Variants in GALNT14 observed in about 807,000 individuals in gnomAD.
The protein encoded by GALNT14 is polypeptide N-acetylgalactosaminyltransferase 14.
Under a neutral mutation model 77.5 loss-of-function variants are expected in GALNT14, and 60 were observed. That is an observed-to-expected ratio of 0.77 (90% CI 0.63 to 0.96). The LOEUF (loss-of-function observed/expected upper bound fraction) is 0.96, where lower values mean the gene tolerates loss of function less well. GALNT14 is among the 40% of genes least tolerant of loss of function. The pLI is 0.00. For synonymous variants in GALNT14, 280 were observed against 281.7 expected, an observed-to-expected ratio of 0.99 and a Z score of 0.06; for missense variants, 710 against 731.0, an observed-to-expected ratio of 0.97 and a Z score of 0.33.
chr2:31,083,861 C>A (rs1052292493), intron 1 of GALNT14, among the ~76,000 whole-genome samples: 1 of 152,178 alleles, frequency 6.6e-6, no homozygotes, highest in African/African-American at 2.4e-5. Context: ...TACTCCCGCT[C>A]ATGCTGCTGC....
rs72856365 is a variant in GALNT14 at position 31,131,941 on chromosome 2, G to T, written c.129+6017C>A. Among the ~76,000 whole-genome samples, 1,125 of 152,286 alleles carry T rather than the reference G, an allele frequency of 7.4e-3. 15 individuals are homozygous for T. The highest frequency in any genetic ancestry group is 0.026 in the African/African-American group (1,076 of 41,552). On this transcript the variant is annotated intron_variant, in intron 1 of 14. Transcript: ENST00000349752. ...TGCCCCTCTGTCTTCTCTGATTTGAGTAGGTATCATTCTGTGCCTCTGGGG... is the reference window on the plus strand; with the variant it reads ...TGCCCCTCTGTCTTCTCTGATTTGATTAGGTATCATTCTGTGCCTCTGGGG...
At chr2:30,908,526 G>T (rs1429688293), downstream of GALNT14, among the ~76,000 whole-genome samples, 1 of 146,028 alleles carries the variant, frequency 6.8e-6, no homozygotes, top group African/African-American at 2.6e-5. Flanking sequence ...TCTTCAAGGA[G>T]AACTACAAAC....
intron 1 of GALNT14, among the ~76,000 whole-genome samples, chr2:31,045,072 G>A (rs1673349957): frequency 6.6e-6 from 1 of 152,156 alleles, no homozygotes; most frequent in South Asian, 2.1e-4. Context: ...TGTGTATAAG[G>A]GGTACAGAAG....
Position 30,910,987 on chromosome 2 carries a change from C to T in GALNT14, c.1573G>A (p.Asp525Asn). The change falls in exon 15 of 15, where the codon GAT becomes AAT. Residue 525 changes from aspartate (D) to asparagine (N), a missense_variant. Physicochemically the swap from Asp to Asn is conservative, Grantham distance 23 (BLOSUM62 1). Coordinates refer to ENST00000349752, the MANE Select transcript of GALNT14 (RefSeq NM_024572.4). Reference sequence around the variant, plus strand: ...ATTTCCTTGCCGTTCTCGGTGCCATCACCGAACATATCTGTATCGAGGCAG... The same window carrying T: ...ATTTCCTTGCCGTTCTCGGTGCCATTACCGAACATATCTGTATCGAGGCAG... ...HLCLDTDMFG[D>N]GTENGKEIVV... 2 of 1,614,072 alleles carry T rather than the reference C, an allele frequency of 1.2e-6. No individual in the cohort carries two copies. The highest frequency in any genetic ancestry group is 1.6e-4 in the Middle Eastern group (1 of 6,062).
intron 4 of GALNT14, 98 bp from the exon 5 acceptor site, chr2:30,956,075 A>T (rs1667353431): frequency 8.4e-7 from 1 of 1,188,220 alleles, no homozygotes; most frequent in African/African-American, 1.5e-5. Flanking sequence ...TAGGTGAGGC[A>T]GCCCTGTCCA....
At chr2:30,951,462 C>G (rs1667022787) in intron 6 of GALNT14, among the ~76,000 whole-genome samples, 2 of 152,064 alleles carry the variant, frequency 1.3e-5, no homozygotes, top group African/African-American at 2.4e-5. Context: ...AGTGATTGCC[C>G]ATGGGTATGA....
chr2:31,080,217 G>GA (rs1314141422), intron 1 of GALNT14, among the ~76,000 whole-genome samples: 1 of 152,196 alleles, frequency 6.6e-6, no homozygotes. Flanking sequence ...AGGTCAGCAA[G>GA]AAAAACCAAA....
chr2:30,889,310 G>A, the GALNT14 span, among the ~76,000 whole-genome samples: 5 of 152,166 alleles, frequency 3.3e-5, no homozygotes, highest in Non-Finnish European at 7.3e-5. Context: ...TGAATAGCAG[G>A]ACTGCGGGGT....
chr2:31,122,501 A>G (rs895368498), intron 1 of GALNT14, among the ~76,000 whole-genome samples: 8 of 152,316 alleles, frequency 5.3e-5, no homozygotes, highest in African/African-American at 1.9e-4. Context: ...ACATCATCTA[A>G]TGCAGGGCTT....
chr2:31,081,774 T>C (rs1424213809), intron 1 of GALNT14, among the ~76,000 whole-genome samples: 1 of 152,204 alleles, frequency 6.6e-6, no homozygotes, highest in Non-Finnish European at 1.5e-5. Flanking sequence ...CTGTCAGAGT[T>C]GTGAAGACTG....
At chr2:30,995,751 C>A (rs1269624319) in intron 1 of GALNT14, among the ~76,000 whole-genome samples, 1 of 152,168 alleles carries the variant, frequency 6.6e-6, no homozygotes, top group Admixed American at 6.5e-5. Context: ...CCTTCCACCT[C>A]GGCCTCCCAA....
intron 1 of GALNT14, among the ~76,000 whole-genome samples, chr2:31,096,723 C>G (rs1413210607): frequency 6.6e-6 from 1 of 152,150 alleles, no homozygotes; most frequent in Non-Finnish European, 1.5e-5. Flanking sequence ...TTGGAGTCTT[C>G]TGATAATACA....
intron 9 of GALNT14, among the ~76,000 whole-genome samples, chr2:30,940,077 G>T (rs1045201668): frequency 6.6e-6 from 1 of 152,036 alleles, no homozygotes; most frequent in Non-Finnish European, 1.5e-5. Context: ...GTTGGGGTGG[G>T]ATAAAATGAA....
chr2:31,043,014 C>CT (rs569543070), intron 1 of GALNT14, among the ~76,000 whole-genome samples: 73 of 152,280 alleles, frequency 4.8e-4, no homozygotes, highest in Non-Finnish European at 7.9e-4. Context: ...CCACGGTCAC[C>CT]TGTCTCACCT....
At chr2:31,030,481 T>C (rs1295911777) in intron 1 of GALNT14, among the ~76,000 whole-genome samples, 1 of 152,156 alleles carries the variant, frequency 6.6e-6, no homozygotes, top group African/African-American at 2.4e-5. Flanking sequence ...TCACTGCTAG[T>C]GTTTAAGAAA....
chr2:30,908,145 T>G (rs1219142793), downstream of GALNT14, among the ~76,000 whole-genome samples: 16 of 140,986 alleles, frequency 1.1e-4, no homozygotes, highest in Non-Finnish European at 1.5e-4. Context: ...CTTTGAAAAC[T>G]GGCACAAGAC....
intron 1 of GALNT14, among the ~76,000 whole-genome samples, chr2:31,087,024 G>A (rs1386653458): frequency 6.6e-6 from 1 of 152,182 alleles, no homozygotes; most frequent in Non-Finnish European, 1.5e-5. Flanking sequence ...GCAGCATGGG[G>A]GAATGTGGCC....
At chr2:31,125,165 T>A in intron 1 of GALNT14, 1 of 1,549,788 alleles carries the variant, frequency 6.5e-7, no homozygotes, top group Non-Finnish European at 8.7e-7. Flanking sequence ...TGTAGGAAGA[T>A]GCCCTCTTTG....
At chr2:31,064,923 T>C (rs1159811399) in intron 1 of GALNT14, among the ~76,000 whole-genome samples, 1 of 139,930 alleles carries the variant, frequency 7.1e-6, no homozygotes, top group East Asian at 2.2e-4. Flanking sequence ...GAAAGAGTGG[T>C]AAAAAAAACT....
Sources: gnomAD v4.1 joint callset for allele counts (sites outside exome capture counted in the v4.1 genomes callset) on GRCh38, gnomAD v4.1.1 for gene constraint, MANE v1.5 for transcripts, NCBI Gene and HGNC (gene_info 2026-07-23, HGNC 2026-07-21) for gene names.